ANO5: variants seen among roughly 807,000 people sequenced by gnomAD.
ANO5 encodes anoctamin-5.
Under a neutral mutation model 121.0 loss-of-function variants are expected in ANO5, and 109 were observed. The ratio of observed to expected loss-of-function variants is 0.90; its 90% CI spans 0.77 to 1.06. The LOEUF (loss-of-function observed/expected upper bound fraction) is 1.06, where lower values mean the gene tolerates loss of function less well. ANO5 is among the 50% of genes least tolerant of loss of function. ANO5 has a pLI of 0.00. For synonymous variants in ANO5, 406 were observed against 359.9 expected (o/e 1.13, Z -1.45); for missense variants, 1,064 against 1,078.5 (o/e 0.99, Z 0.19).
chr11:22,220,804 A>T (rs1852615562), intron 4 of ANO5, among the ~76,000 whole-genome samples: 1 of 152,018 alleles, frequency 6.6e-6, no homozygotes, highest in Admixed American at 6.6e-5. Context: ...GGAACAAGTC[A>T]GTCTCTGAAT....
chr11:22,278,032 T>C (rs1311134532), intron 21 of ANO5: 1 of 151,718 alleles, frequency 6.6e-6, no homozygotes, highest in African/African-American at 2.4e-5. Flanking sequence ...TTGTTTTTCT[T>C]AAAAAAATTT....
intron 1 of ANO5, among the ~76,000 whole-genome samples, chr11:22,203,152 T>C (rs1193126425): frequency 6.6e-6 from 1 of 152,096 alleles, no homozygotes; most frequent in African/African-American, 2.4e-5. Context: ...GTGGTTCCCA[T>C]TGTGATATTT....
chr11:22,276,262 G>C, intron 21 of ANO5, 63 bp downstream of exon 21: 2 of 1,315,100 alleles, frequency 1.5e-6, no homozygotes, highest in South Asian at 2.4e-5. Context: ...TATTTCTAAA[G>C]GTAACCTCTC....
At chr11:22,242,683 C>T (rs1162676152) in intron 9 of ANO5, among the ~76,000 whole-genome samples, 1 of 151,984 alleles carries the variant, frequency 6.6e-6, no homozygotes, top group Non-Finnish European at 1.5e-5. Context: ...CTTGATTTGA[C>T]TCTCAGCTTG....
intron 1 of ANO5, among the ~76,000 whole-genome samples, chr11:22,202,881 G>A (rs2133516332): frequency 6.6e-6 from 1 of 152,214 alleles, no homozygotes; most frequent in Middle Eastern, 3.4e-3. Context: ...CTTAAATCCA[G>A]TATAACTTCA....
At chr11:22,238,272 C>T (rs1590263764) in intron 8 of ANO5, among the ~76,000 whole-genome samples, 1 of 119,182 alleles carries the variant, frequency 8.4e-6, no homozygotes, top group Non-Finnish European at 1.7e-5. Context: ...CACAAAAGAC[C>T]TCATAGTTTT....
At chr11:22,252,291 C>G (rs1255965267) in intron 12 of ANO5, among the ~76,000 whole-genome samples, 2 of 152,056 alleles carry the variant, frequency 1.3e-5, no homozygotes, top group Non-Finnish European at 2.9e-5. Flanking sequence ...GCTGCCAAAT[C>G]CTACCTCTCA....
intron 3 of ANO5, 48 bp from the exon 4 acceptor site, chr11:22,218,198 C>A: frequency 6.2e-7 from 1 of 1,603,198 alleles, no homozygotes; most frequent in Non-Finnish European, 8.5e-7. Context: ...GGAATCTTTA[C>A]TGTAATTCTG....
chr11:22,268,964 AC>A (rs1002101277), intron 17 of ANO5, among the ~76,000 whole-genome samples: 2 of 152,016 alleles, frequency 1.3e-5, no homozygotes, highest in African/African-American at 4.8e-5. Flanking sequence ...TGATCACACC[AC>A]TGCACTCCAG....
intron 17 of ANO5, among the ~76,000 whole-genome samples, chr11:22,265,782 C>T (rs1312595687): frequency 6.6e-6 from 1 of 151,900 alleles, no homozygotes; most frequent in East Asian, 1.9e-4. Flanking sequence ...ATAACCCAAA[C>T]AAGTATGATA....
At position 22,255,539 on chromosome 11, in the gene ANO5, T is replaced by C; in HGVS notation, c.1332+17T>C. 1 of 1,612,080 alleles carries C rather than the reference T, an allele frequency of 6.2e-7. No individual in the cohort carries two copies. The highest frequency in any genetic ancestry group is 8.5e-7 in the Non-Finnish European group (1 of 1,178,500). ...GTGACTAAGGTAGACTAGAAAACTGTGAAACGGACAGCATATCTCAATGGA... is the reference window on the plus strand; with the variant it reads ...GTGACTAAGGTAGACTAGAAAACTGCGAAACGGACAGCATATCTCAATGGA... On this transcript the variant is annotated intron_variant, in intron 13 of 21. Transcript: ENST00000324559.
At chr11:22,262,089 A>C (rs1236505356) in intron 15 of ANO5, 40 bp from the exon 16 acceptor site, 14 of 1,604,868 alleles carry the variant, frequency 8.7e-6, no homozygotes, top group Non-Finnish European at 1.1e-5. Context: ...CAAGGAAAAA[A>C]ATAAGAAGAT....
intron 6 of ANO5, 112 bp from the exon 7 acceptor site, chr11:22,227,189 GA>G: frequency 7.8e-6 from 11 of 1,409,672 alleles, no homozygotes; most frequent in Non-Finnish European, 1.1e-5. Context: ...TCAAAATATT[GA>G]AAATGCTTTG....
At chr11:22,239,726 A>G (rs774029937) in intron 9 of ANO5, 42 bp downstream of exon 9, 1 of 1,446,590 alleles carries the variant, frequency 6.9e-7, no homozygotes, top group South Asian at 1.1e-5. Flanking sequence ...AAACTTGATA[A>G]TGTGATTTTT....
intron 12 of ANO5, among the ~76,000 whole-genome samples, chr11:22,254,238 G>A (rs372689592): frequency 6.6e-6 from 1 of 151,986 alleles, no homozygotes. Context: ...AATATAATTA[G>A]GATTTTTAAA....
intron 12 of ANO5, among the ~76,000 whole-genome samples, chr11:22,252,029 C>CAAAAAAAAAAAAAAA (rs10525160): frequency 4.4e-4 from 20 of 45,854 alleles, no homozygotes; most frequent in African/African-American, 1.3e-3. Context: ...GACGCCGTCT[C>CAAAAAAAAAAAAAAA]AAAAAAAAAA....
At chr11:22,230,663 A>G (rs1056463947) in intron 7 of ANO5, among the ~76,000 whole-genome samples, 2 of 151,976 alleles carry the variant, frequency 1.3e-5, no homozygotes, top group Non-Finnish European at 2.9e-5. Flanking sequence ...TACCATTCCC[A>G]CATGTCCTCC....
At chr11:22,238,858 CGTT>C (rs1428463508) in intron 8 of ANO5, among the ~76,000 whole-genome samples, 1 of 151,962 alleles carries the variant, frequency 6.6e-6, no homozygotes, top group African/African-American at 2.4e-5. Flanking sequence ...CATCATTTAA[CGTT>C]AGGTATATCT....
chr11:22,243,176 A>G (rs996656308), intron 9 of ANO5, among the ~76,000 whole-genome samples: 1 of 151,908 alleles, frequency 6.6e-6, no homozygotes, highest in Non-Finnish European at 1.5e-5. Context: ...TCATATGTTA[A>G]TAGTTTTTCC....
Sources: gnomAD v4.1 joint callset for allele counts (sites outside exome capture counted in the v4.1 genomes callset) on GRCh38, gnomAD v4.1.1 for gene constraint, MANE v1.5 for transcripts, NCBI Gene and HGNC (gene_info 2026-07-23, HGNC 2026-07-21) for gene names.